The following TRAPPC9 variants were observed in gnomAD, a reference collection of about 807,000 sequenced individuals.
TRAPPC9 encodes IKK2 binding protein.
In TRAPPC9, 83 loss-of-function variants were observed where a neutral mutation model predicts 124.0. That is an observed-to-expected ratio of 0.67 (90% confidence interval 0.56 to 0.80). The LOEUF (loss-of-function observed/expected upper bound fraction) is 0.80, where lower values mean the gene tolerates loss of function less well. TRAPPC9 is among the 30% of genes least tolerant of loss of function. The probability of loss-of-function intolerance (pLI) is 0.00; values close to 1 mark genes in which losing one functional copy is unlikely to be tolerated. For synonymous variants in TRAPPC9, 638 were observed against 617.5 expected, an observed-to-expected ratio of 1.03 and a Z score of -0.49; for missense variants, 1,302 against 1,508.3, an observed-to-expected ratio of 0.86 and a Z score of 2.27.
chr8:140,022,716 G>T (rs973542801), intron 18 of TRAPPC9, among the ~76,000 whole-genome samples: 1 of 152,194 alleles, frequency 6.6e-6, no homozygotes, highest in Admixed American at 6.6e-5. Flanking sequence ...TCCTGGCCAA[G>T]CTTCCCCAGG....
intron 21 of TRAPPC9, among the ~76,000 whole-genome samples, chr8:139,756,275 T>A (rs1447350925): frequency 5.5e-5 from 6 of 109,054 alleles, no homozygotes; most frequent in African/African-American, 1.2e-4. Context: ...GGAGCCAGGG[T>A]TTGGGGATGA....
intron 9 of TRAPPC9, among the ~76,000 whole-genome samples, chr8:140,325,372 A>C (rs1467570913): frequency 1.3e-5 from 2 of 152,250 alleles, no homozygotes; most frequent in Admixed American, 6.5e-5. Flanking sequence ...GAAAATCAAC[A>C]AAGTCAATGG....
At chr8:140,165,643 G>A (rs2061824577) in intron 17 of TRAPPC9, among the ~76,000 whole-genome samples, 1 of 118,672 alleles carries the variant, frequency 8.4e-6, no homozygotes. Context: ...GGGAGGGGGG[G>A]ATGCGGGGAA....
chr8:140,013,826 G>T lies in TRAPPC9; in HGVS notation c.2699+10111C>A, dbSNP rs114391469. Among the ~76,000 whole-genome samples, 841 of 152,148 alleles carry T rather than the reference G, an allele frequency of 5.5e-3. 5 individuals carry two copies. Among genetic ancestry groups the T allele is most frequent in the African/African-American group, 0.019 (792 of 41,486 alleles). On this transcript the variant is annotated intron_variant, in intron 18 of 22. Transcript: ENST00000438773. ...TTATAACACACAGTTTTACAACCCT[G>T]CACAGTCAGTGTTATCTCCTTTTCA...
chr8:140,299,851 C>G (rs994238629), intron 11 of TRAPPC9, among the ~76,000 whole-genome samples: 1 of 152,206 alleles, frequency 6.6e-6, no homozygotes, highest in Non-Finnish European at 1.5e-5. Context: ...CAGCTTAACC[C>G]AGGACTGACT....
intron 2 of TRAPPC9, among the ~76,000 whole-genome samples, chr8:140,440,724 G>A (rs1235195847): frequency 2.0e-5 from 3 of 151,924 alleles, no homozygotes; most frequent in African/African-American, 7.3e-5. Flanking sequence ...TCAGTCGTAG[G>A]GAGAGGCATG....
chr8:139,996,439 A>G (rs749137041), intron 18 of TRAPPC9, among the ~76,000 whole-genome samples: 12 of 152,098 alleles, frequency 7.9e-5, no homozygotes, highest in Non-Finnish European at 4.4e-5. Context: ...AACAACTGTA[A>G]AATAAAAATC....
intron 1 of TRAPPC9, among the ~76,000 whole-genome samples, chr8:140,453,864 G>C (rs574259361): frequency 2.0e-5 from 3 of 152,204 alleles, no homozygotes; most frequent in Non-Finnish European, 4.4e-5. Context: ...AATACTGAGC[G>C]GGGGAGACTG....
intron 2 of TRAPPC9, among the ~76,000 whole-genome samples, chr8:140,444,557 G>A (rs561443933): frequency 1.1e-4 from 17 of 152,102 alleles, no homozygotes; most frequent in African/African-American, 3.4e-4. Context: ...CCCTAACTCC[G>A]TGGAATAATA....
At chr8:139,891,243 C>T (rs1226748121) in intron 20 of TRAPPC9, among the ~76,000 whole-genome samples, 1 of 152,222 alleles carries the variant, frequency 6.6e-6, no homozygotes, top group African/African-American at 2.4e-5. Flanking sequence ...TATTAAATTA[C>T]TTGTCAAGGT....
Position 139,776,673 on chromosome 8 carries a change from T to C in TRAPPC9, c.3056-44471A>G, listed in dbSNP as rs1385949827. Among the ~76,000 whole-genome samples the C allele has an allele frequency of 1.3e-5, 2 of 151,764 alleles. No homozygotes were observed. Among genetic ancestry groups the C allele is most frequent in the Non-Finnish European group, 2.9e-5 (2 of 67,934 alleles). On this transcript the variant is annotated intron_variant, in intron 21 of 22. Coordinates refer to ENST00000438773, the MANE Select transcript of TRAPPC9 (RefSeq NM_001160372.4). The surrounding 1 kb of genome is among the most constrained non-coding windows in gnomAD (Gnocchi z 4.1). ...GTGCACGTGTGTGTCTGTGTGTGTG[T>C]GCGCACACACACACAGAAAGGCACA...
intron 4 of TRAPPC9, among the ~76,000 whole-genome samples, chr8:140,427,092 A>AT (rs11464909): frequency 0.73 from 100,700 of 138,360 alleles, 36,796 homozygotes; most frequent in East Asian, 0.96. Flanking sequence ...CGACCGGCTA[A>AT]TTTTTTTTTT....
intron 18 of TRAPPC9, among the ~76,000 whole-genome samples, chr8:140,022,998 C>A (rs568788215): frequency 1.3e-5 from 2 of 152,350 alleles, no homozygotes; most frequent in South Asian, 4.1e-4. Context: ...TGCTGTCTCA[C>A]GCTGCAGCAC....
chr8:140,419,864 G>A, intron 5 of TRAPPC9, among the ~76,000 whole-genome samples: 2 of 151,780 alleles, frequency 1.3e-5, no homozygotes, highest in South Asian at 4.2e-4. Flanking sequence ...CCAGATCGGG[G>A]GACAGAGTGA....
chr8:140,234,775 T>C (rs1295586970), intron 16 of TRAPPC9, among the ~76,000 whole-genome samples: 2 of 152,216 alleles, frequency 1.3e-5, no homozygotes, highest in African/African-American at 4.8e-5. Context: ...GTACTTAATA[T>C]GTGCCACACA....
At chr8:140,057,580 C>G (rs996023325) in intron 17 of TRAPPC9, among the ~76,000 whole-genome samples, 10 of 152,156 alleles carry the variant, frequency 6.6e-5, no homozygotes, top group Admixed American at 3.9e-4. Context: ...GGAAATAAAG[C>G]AGTCACAGAA....
intron 7 of TRAPPC9, among the ~76,000 whole-genome samples, chr8:140,386,125 T>C (rs1205763052): frequency 6.6e-6 from 1 of 152,206 alleles, no homozygotes; most frequent in Non-Finnish European, 1.5e-5. Context: ...CAGCCCTTCA[T>C]GCTAAGAACT....
chr8:139,839,055 C>T (rs570815585), intron 21 of TRAPPC9, among the ~76,000 whole-genome samples: 32 of 152,290 alleles, frequency 2.1e-4, no homozygotes, highest in Admixed American at 1.3e-3. Flanking sequence ...TAACGCCAGA[C>T]GGTATCCTAG....
chr8:140,412,461 CT>C (rs530158377), intron 5 of TRAPPC9, among the ~76,000 whole-genome samples: 127 of 152,192 alleles, frequency 8.3e-4, no homozygotes, highest in African/African-American at 3.0e-3. Context: ...CAAATAAGGT[CT>C]GGGGGGTAGA....
Sources: allele counts gnomAD v4.1 joint callset (sites outside exome capture counted in the v4.1 genomes callset), GRCh38; gene constraint gnomAD v4.1.1; non-coding constraint Gnocchi (gnomAD v3.1); transcripts MANE v1.5; gene names NCBI Gene and HGNC (gene_info 2026-07-23, HGNC 2026-07-21).